NFE2L1: variants seen among roughly 807,000 people sequenced by gnomAD.
NFE2L1 encodes the protein NFE2 like bZIP transcription factor 1.
In NFE2L1, 18 loss-of-function variants were observed where a neutral mutation model predicts 61.6. The observed-to-expected ratio is 0.29, with a 90% CI of 0.20 to 0.43. NFE2L1 has a LOEUF of 0.43. Ranked by LOEUF, NFE2L1 falls within the 20% of genes least tolerant of loss-of-function variation. The pLI is 1.00. For synonymous variants in NFE2L1, 419 were observed against 402.7 expected, an observed-to-expected ratio of 1.04 and a Z score of -0.48; for missense variants, 827 against 973.5, an observed-to-expected ratio of 0.85 and a Z score of 2.00.
chr17:48,050,480 A>G (rs2037222289), intron 1 of NFE2L1, 127 bp from the exon 2 acceptor site: 2 of 327,428 alleles, frequency 6.1e-6, no homozygotes, highest in African/African-American at 2.2e-5. Flanking sequence ...CTCTGTCTCA[A>G]AAAAAAAAAA....
Position 48,051,641 on chromosome 17 carries a change from G to A in NFE2L1, c.510+13G>A, listed in dbSNP as rs2144353874. ...CTTAACCAAAGAGGTTAGTGGACCT[G>A]TGGTGGGTGTGTGGGGCCTGGGGCT... On this transcript the variant is annotated intron_variant, in intron 2 of 5. Coordinates refer to ENST00000362042, the MANE Select transcript of NFE2L1 (RefSeq NM_003204.3). The A allele has an allele frequency of 1.2e-6, 2 of 1,600,502 alleles. No individual in the cohort carries two copies. The highest frequency in any genetic ancestry group is 1.7e-5 in the Admixed American group (1 of 58,836).
In NFE2L1 at chr17:48,057,118, T is replaced by C. The variant is rs764027924; in HGVS notation, c.810T>C (p.Ala270=). The part of the protein sequence containing the change: ...LEATCPFGEN[A]EFPADISSIT... ...CCACCTGCCCCTTTGGGGAGAATGC[T>C]GAGGTGAGCAGGACTCCAGTGAGAG... Residue 270 remains alanine, a synonymous_variant, in exon 4 of 6, where the codon GCT becomes GCC. Transcript: ENST00000362042. The C allele has an allele frequency of 6.8e-6, 11 of 1,613,104 alleles. No homozygotes were observed. The African/African-American group carries it at 1.2e-4, about 18-fold the overall frequency.
chr17:48,053,422 C>T (rs2037305801), intron 2 of NFE2L1, among the ~76,000 whole-genome samples: 1 of 152,176 alleles, frequency 6.6e-6, no homozygotes, highest in Non-Finnish European at 1.5e-5. Context: ...TCCTCAGCAA[C>T]TCAGGGATAA....
chr17:48,052,935 G>A (rs1205198600), intron 2 of NFE2L1, among the ~76,000 whole-genome samples: 6 of 152,202 alleles, frequency 3.9e-5, no homozygotes, highest in African/African-American at 1.4e-4. Flanking sequence ...GAGAGACTAG[G>A]ATTATCTGAG....
At position 48,057,519 on chromosome 17, in the gene NFE2L1, C is replaced by A; in HGVS notation, c.972+17C>A. ...GAAATGCAGGTAGGATTGTCGGAAC[C>A]GGGCACAAACCTATTGGATTTTGCA... is the stretch of plus-strand genomic sequence containing the variant. On this transcript the variant is annotated intron_variant, in intron 5 of 5. Transcript: ENST00000362042. The A allele has an allele frequency of 6.8e-6, 11 of 1,606,018 alleles. No homozygotes were observed. Among genetic ancestry groups the A allele is most frequent in the Non-Finnish European group, 9.4e-6 (11 of 1,176,248 alleles).
In NFE2L1 at chr17:48,056,306, A is replaced by C. The variant is rs1598288638; in HGVS notation, c.511-80A>C. 3.2e-6 allele frequency: 5 copies of C among 1,545,700 alleles called. No individual in the cohort carries two copies. The East Asian group carries it at 1.1e-4, about 35-fold the overall frequency. On this transcript the variant is annotated intron_variant, in intron 2 of 5. Transcript: ENST00000362042. ...CCCACCCAGGACTAACTGGGGTGAC[A>C]CTAGGAGGGAACTCTGAGGGGCAGG...
In NFE2L1 at chr17:48,050,997, G is replaced by C. The variant is rs12936731; in HGVS notation, c.-122G>C. On this transcript the variant is annotated 5_prime_UTR_variant, in exon 2 of 6. Transcript: ENST00000362042. ...CTCATCCCTTGTGTTCTGCCAGGGT[G>C]GGGTACGGGGTTTGACACTGAGGAG... 265,464 of 1,192,066 alleles carry C rather than the reference G, an allele frequency of 0.22. 31,653 individuals carry two copies. Among genetic ancestry groups the C allele is most frequent in the African/African-American group, 0.43 (28,571 of 66,346 alleles). 73.8% of individuals were successfully genotyped at this position (1,192,066 alleles called of 1,614,324 possible). A position where few individuals can be genotyped will look rare whatever the true frequency, so the allele number is the denominator to read the frequency against.
At position 48,056,610 on chromosome 17, in the gene NFE2L1, C is replaced by T. The variant is rs2037407414; in HGVS notation, c.723+12C>T. ...GCTTCCCTGCACAGGTACCATCGCCCCTGCTCACTGGGCTCTCTTCTTGTC... is the reference window on the plus strand; with the variant it reads ...GCTTCCCTGCACAGGTACCATCGCCTCTGCTCACTGGGCTCTCTTCTTGTC... On this transcript the variant is annotated intron_variant, in intron 3 of 5. Coordinates refer to ENST00000362042, the MANE Select transcript of NFE2L1 (RefSeq NM_003204.3). 9.3e-6 allele frequency: 15 copies of T among 1,611,768 alleles called. No individual in the cohort carries two copies. Among genetic ancestry groups the T allele is most frequent in the Non-Finnish European group, 1.2e-5 (14 of 1,179,518 alleles).
At chr17:48,055,543 G>A (rs561548611) in intron 2 of NFE2L1, among the ~76,000 whole-genome samples, 1 of 150,270 alleles carries the variant, frequency 6.7e-6, no homozygotes, top group South Asian at 2.1e-4. Context: ...CCTTGAGGGG[G>A]TTGACTGATG....
rs1158048365 is a variant in NFE2L1 at position 48,055,181 on chromosome 17, C to T, written c.511-1205C>T. 1.0e-5 allele frequency: 13 copies of T among 1,296,564 alleles called. 1 individual carries two copies. The highest frequency in any genetic ancestry group is 6.0e-5 in the South Asian group (3 of 50,364). 80.3% of individuals were successfully genotyped at this position (1,296,564 alleles called of 1,614,324 possible). On this transcript the variant is annotated intron_variant, in intron 2 of 5. Transcript: ENST00000362042. ...TGTATGTGGGGAGACTAAAGTAGTA[C>T]GTCTGGGAGGTCTTAGGGTCAGGGG... is the stretch of plus-strand genomic sequence containing the variant.
chr17:48,054,875 C>T (rs1415000561), intron 2 of NFE2L1: 95 of 1,353,782 alleles, frequency 7.0e-5, no homozygotes, highest in East Asian at 9.2e-5. Flanking sequence ...GGCAGCAGCA[C>T]GGGCGGGGCA....
intron 2 of NFE2L1, chr17:48,054,858 C>T (rs1031778316): frequency 1.1e-4 from 144 of 1,348,768 alleles, no homozygotes; most frequent in Non-Finnish European, 1.3e-4. Flanking sequence ...GCTGGCTGGG[C>T]CGCCCAGGCA....
At chr17:48,058,266 T>C (rs759620365) in intron 5 of NFE2L1, 29 bp from the exon 6 acceptor site, 117 of 1,532,476 alleles carry the variant, frequency 7.6e-5, no homozygotes, top group Non-Finnish European at 9.7e-5. Context: ...CAGTTCCTAG[T>C]GAACAGTGGT....
chr17:48,055,083 A>G (rs1176104314), intron 2 of NFE2L1: 3 of 1,471,232 alleles, frequency 2.0e-6, no homozygotes, highest in African/African-American at 1.5e-5. Flanking sequence ...CGGCCCCTTA[A>G]CTCTTTGCTG....
intron 2 of NFE2L1, among the ~76,000 whole-genome samples, chr17:48,053,111 C>T (rs753082998): frequency 7.2e-5 from 11 of 152,160 alleles, no homozygotes; most frequent in Non-Finnish European, 1.3e-4. Context: ...TATGCTCCTC[C>T]CCCAGGGTAG....
Position 48,058,554 on chromosome 17 carries a change from C to G in NFE2L1, c.1232C>G (p.Thr411Ser). 6.2e-7 allele frequency: 1 copy of G among 1,613,716 alleles called. No individual in the cohort carries two copies. The highest frequency in any genetic ancestry group is 8.5e-7 in the Non-Finnish European group (1 of 1,179,704). The change falls in exon 6 of 6, where the codon ACC (threonine) becomes AGC (serine). Residue 411 changes from threonine (T) to serine (S), a missense_variant. Thr to Ser is a moderately conservative substitution (Grantham distance 58). This residue lies in a region of NFE2L1 where 667 missense variants were observed against 748.4 expected (regional missense o/e 0.89). Transcript: ENST00000362042. Reference sequence around the variant, plus strand: ...AGCCTCAACTCCACCTTCGGCTCCACCAACCTGACAGGGCTCTTCTTTCCA... The same window carrying G: ...AGCCTCAACTCCACCTTCGGCTCCAGCAACCTGACAGGGCTCTTCTTTCCA... Reference protein sequence around the residue: ...STSLNSTFGSTNLTGLFFPPQ... With the variant: ...STSLNSTFGSSNLTGLFFPPQ...
At chr17:48,057,626 G>A in intron 5 of NFE2L1, 124 bp downstream of exon 5, 1 of 1,280,812 alleles carries the variant, frequency 7.8e-7, no homozygotes, top group Middle Eastern at 2.3e-4. Flanking sequence ...GAGAAGTGGG[G>A]ACAATGAGAA....
Position 48,059,018 on chromosome 17 carries a change from C to T in NFE2L1, c.1696C>T (p.Pro566Ser). The T allele has an allele frequency of 6.2e-7, 1 of 1,614,030 alleles. No homozygotes were observed. Among genetic ancestry groups the T allele is most frequent in the Non-Finnish European group, 8.5e-7 (1 of 1,180,028 alleles). ...GGATCCAGCTCAGCTCTCATGCCTGCCCTACCTGGAGCACGTGGGCCACAA... is the reference window on the plus strand; with the variant it reads ...GGATCCAGCTCAGCTCTCATGCCTGTCCTACCTGGAGCACGTGGGCCACAA... ...YQDPAQLSCL[P>S]YLEHVGHNHT... The change falls in exon 6 of 6, where the codon CCC (proline) becomes TCC (serine). Residue 566 changes from proline (P) to serine (S), a missense_variant. Around this residue, in one of 3 missense-constraint regions of NFE2L1, gnomAD observed 667 missense variants for 748.4 expected, o/e 0.89. Coordinates refer to ENST00000362042, the MANE Select transcript of NFE2L1 (RefSeq NM_003204.3). The surrounding 1 kb of genome is among the most constrained non-coding windows in gnomAD (Gnocchi z 6.1).
chr17:48,055,243 G>T (rs1339585861), intron 2 of NFE2L1: 4 of 1,256,008 alleles, frequency 3.2e-6, no homozygotes, highest in Non-Finnish European at 4.0e-6. Context: ...TAGAGGTAGG[G>T]AGGAGGGTCT....
Sources: gnomAD v4.1 joint callset for allele counts (sites outside exome capture counted in the v4.1 genomes callset) on GRCh38, gnomAD v4.1.1 for gene constraint, gnomAD v4.1.1 regional missense constraint, Gnocchi (gnomAD v3.1) non-coding constraint, MANE v1.5 for transcripts, NCBI Gene and HGNC (gene_info 2026-07-23, HGNC 2026-07-21) for gene names.